Variants in PITPNA observed in about 807,000 individuals in gnomAD.
The protein encoded by PITPNA is phosphatidylinositol transfer protein alpha isoform.
In PITPNA, 13 loss-of-function variants were observed where a neutral mutation model predicts 50.3. The observed-to-expected ratio is 0.26, with a 90% confidence interval of 0.17 to 0.41. PITPNA has a LOEUF of 0.41. Among genes scored for constraint, PITPNA ranks in the 10% least tolerant of loss-of-function variants. PITPNA has a pLI of 1.00. For synonymous variants in PITPNA, 120 were observed against 119.6 expected, an observed-to-expected ratio of 1.00 and a Z score of -0.02; for missense variants, 207 against 333.4, an observed-to-expected ratio of 0.62 and a Z score of 2.95.
At chr17:1,529,787 G>A (rs890316889) in intron 10 of PITPNA, among the ~76,000 whole-genome samples, 2 of 151,616 alleles carry the variant, frequency 1.3e-5, no homozygotes, top group African/African-American at 4.9e-5. Context: ...TTGGGGAGTT[G>A]GAGGTTGCAA....
chr17:1,562,420 C>A lies in PITPNA; in HGVS notation c.20+121G>T. On this transcript the variant is annotated intron_variant, in intron 1 of 11. Transcript: ENST00000313486. This position sits in a 1 kb window ranked among gnomAD's most constrained non-coding sequence, Gnocchi z 6.4. ...CCATCCCCGCTGGGCCCGCCTCAGG[C>A]ACCCTCCGTCCCTGCTGCCCCTCCG... 1 of 782,028 alleles carries A rather than the reference C, an allele frequency of 1.3e-6. No homozygotes were observed. Among genetic ancestry groups the A allele is most frequent in the Non-Finnish European group, 1.8e-6 (1 of 553,300 alleles). The allele number at this position is 782,028 out of a possible 1,614,324, so 48.4% of individuals were successfully genotyped here.
chr17:1,527,883 G>A (rs887242639), intron 10 of PITPNA, among the ~76,000 whole-genome samples: 2 of 152,232 alleles, frequency 1.3e-5, no homozygotes, highest in African/African-American at 2.4e-5. Context: ...TAAAAGGTTC[G>A]GTGCAGAAAT....
chr17:1,562,630 C>G lies in PITPNA; in HGVS notation c.-70G>C, dbSNP rs2075774473. 9.0e-7 allele frequency: 1 copy of G among 1,105,982 alleles called. No homozygotes were observed. The highest frequency in any genetic ancestry group is 1.7e-5 in the African/African-American group (1 of 60,478). The allele number at this position is 1,105,982 out of a possible 1,614,324, so 68.5% of individuals were successfully genotyped here. ...CGCCCGCTGCCCGCCGGCCGCTCTC[C>G]CCGTGGCCCGGCCCGGCCCGGCTGC... is the stretch of plus-strand genomic sequence containing the variant. On this transcript the variant is annotated 5_prime_UTR_variant, in exon 1 of 12. Coordinates refer to ENST00000313486, the MANE Select transcript of PITPNA (RefSeq NM_006224.4). The surrounding 1 kb of genome is among the most constrained non-coding windows in gnomAD (Gnocchi z 6.4).
At chr17:1,527,239 A>G (rs1191856599) in intron 10 of PITPNA, among the ~76,000 whole-genome samples, 2 of 150,846 alleles carry the variant, frequency 1.3e-5, no homozygotes, top group Non-Finnish European at 2.9e-5. Flanking sequence ...AGAAACTTCA[A>G]TCCTGGTTGG....
chr17:1,529,138 A>AC (rs1491585798), intron 10 of PITPNA, among the ~76,000 whole-genome samples: 2,196 of 36,260 alleles, frequency 0.061, 35 homozygotes, highest in African/African-American at 0.15. Context: ...ACTCCATCTC[A>AC]AAAAAAAAAA....
chr17:1,532,278 A>G (rs778836523), intron 10 of PITPNA, among the ~76,000 whole-genome samples: 17 of 152,048 alleles, frequency 1.1e-4, no homozygotes, highest in South Asian at 6.2e-4. Context: ...TAGTAGAGAC[A>G]GGGTTTCACC....
In PITPNA at chr17:1,538,922, G is replaced by T; in HGVS notation, c.403C>A (p.His135Asn). ...ATGTCTATATATACGGCTTCCACGTGTTTCCACGCCTCAGGCTCCAGCTTA... is the reference window on the plus strand; with the variant it reads ...ATGTCTATATATACGGCTTCCACGTTTTTCCACGCCTCAGGCTCCAGCTTA... ...VHKLEPEAWK[H>N]VEAVYIDIAD... Residue 135 changes from histidine to asparagine, a missense_variant, in exon 7 of 12, where the codon CAC becomes AAC. Transcript: ENST00000313486. The T allele has an allele frequency of 1.2e-6, 2 of 1,613,716 alleles. No individual in the cohort carries two copies. The highest frequency in any genetic ancestry group is 1.7e-6 in the Non-Finnish European group (2 of 1,179,626).
intron 1 of PITPNA, among the ~76,000 whole-genome samples, chr17:1,558,785 C>T (rs535455548): frequency 1.2e-4 from 13 of 109,182 alleles, no homozygotes; most frequent in Non-Finnish European, 1.6e-4. Context: ...CCCCCGCCCC[C>T]CCCCCCAGAG....
At position 1,541,830 on chromosome 17, in the gene PITPNA, C is replaced by T. The variant is rs537533244; in HGVS notation, c.298-190G>A. 8 of 685,722 alleles carry T rather than the reference C, an allele frequency of 1.2e-5. No individual in the cohort carries two copies. In the African/African-American group the frequency reaches 1.2e-4, roughly 11 times the overall value. The allele number at this position is 685,722 out of a possible 1,614,324, so 42.5% of individuals were successfully genotyped here. A position where few individuals can be genotyped will look rare whatever the true frequency, so the allele number is the denominator to read the frequency against. ...CATGTATTATCCCATTCAATCCTCA[C>T]CCCAGCCTGAGAGCTCTGTAGAATC... is the stretch of plus-strand genomic sequence containing the variant. On this transcript the variant is annotated intron_variant, in intron 5 of 11. Transcript: ENST00000313486.
chr17:1,556,135 G>A (rs61153086), intron 2 of PITPNA, among the ~76,000 whole-genome samples: 2 of 152,328 alleles, frequency 1.3e-5, no homozygotes, highest in African/African-American at 4.8e-5. Flanking sequence ...ACTCTGAGAA[G>A]GTTGATCATG....
chr17:1,529,151 A>AC (rs1180857569), intron 10 of PITPNA, among the ~76,000 whole-genome samples: 1 of 62,352 alleles, frequency 1.6e-5, no homozygotes, highest in East Asian at 6.2e-4. Context: ...AAAAAAAAAA[A>AC]AAAAAGAGAG....
rs1442206759 is a variant in PITPNA, at chr17:1,562,520, G to T, written c.20+21C>A. ...CCCACCCTCCCTCCTCCCCGCTTCC[G>T]CACGGCCGCCGGACACTCACTACTC... is the stretch of plus-strand genomic sequence containing the variant. On this transcript the variant is annotated intron_variant, in intron 1 of 11. Coordinates refer to ENST00000313486, the MANE Select transcript of PITPNA (RefSeq NM_006224.4). The surrounding 1 kb of genome is among the most constrained non-coding windows in gnomAD (Gnocchi z 6.4). The T allele has an allele frequency of 1.5e-6, 2 of 1,350,228 alleles. No individual in the cohort carries two copies. Among genetic ancestry groups the T allele is most frequent in the Non-Finnish European group, 9.8e-7 (1 of 1,020,322 alleles). The allele number at this position is 1,350,228 out of a possible 1,614,324, so 83.6% of individuals were successfully genotyped here.
chr17:1,543,358 G>A (rs1338056711), intron 4 of PITPNA, among the ~76,000 whole-genome samples: 1 of 152,152 alleles, frequency 6.6e-6, no homozygotes. Flanking sequence ...TCTGGCATCA[G>A]AGCGTTCTCC....
At chr17:1,537,982 G>A (rs895979661) in intron 7 of PITPNA, among the ~76,000 whole-genome samples, 1 of 152,082 alleles carries the variant, frequency 6.6e-6, no homozygotes, top group Non-Finnish European at 1.5e-5. Context: ...TGTATTTTTA[G>A]TAGAGATGGG....
At chr17:1,542,154 T>C (rs1361353193) in intron 5 of PITPNA, among the ~76,000 whole-genome samples, 1 of 151,154 alleles carries the variant, frequency 6.6e-6, no homozygotes, top group Admixed American at 6.6e-5. Context: ...GAGCCGAGAT[T>C]GCACCACTGC....
At chr17:1,533,870 T>G (rs2075598621) in intron 10 of PITPNA, among the ~76,000 whole-genome samples, 1 of 152,152 alleles carries the variant, frequency 6.6e-6, no homozygotes, top group South Asian at 2.1e-4. Context: ...CATACTGCCA[T>G]TTTTGTCTCT....
chr17:1,552,379 C>G (rs75878578), intron 3 of PITPNA, among the ~76,000 whole-genome samples: 11,422 of 152,222 alleles, frequency 0.075, 576 homozygotes, highest in Non-Finnish European at 0.11. Context: ...GGTCTGCTCA[C>G]AGTTTGCTGA....
chr17:1,545,828 G>T (rs1438079871), intron 4 of PITPNA, among the ~76,000 whole-genome samples: 1 of 150,568 alleles, frequency 6.6e-6, no homozygotes, highest in Non-Finnish European at 1.5e-5. Context: ...GTCCACACTT[G>T]CAACACATGC....
At chr17:1,543,110 G>A (rs1005222966) in intron 4 of PITPNA, 83 bp from the exon 5 acceptor site, 4 of 1,063,840 alleles carry the variant, frequency 3.8e-6, no homozygotes, top group Non-Finnish European at 5.6e-6. Context: ...CCCCCACAAG[G>A]AGGACGAATG....
Sources: allele counts gnomAD v4.1 joint callset (sites outside exome capture counted in the v4.1 genomes callset), GRCh38; gene constraint gnomAD v4.1.1; non-coding constraint Gnocchi (gnomAD v3.1); transcripts MANE v1.5; gene names NCBI Gene and HGNC (gene_info 2026-07-23, HGNC 2026-07-21).